CACNA2D1: variants seen among roughly 807,000 people sequenced by gnomAD.
CACNA2D1 encodes the protein voltage-dependent calcium channel subunit alpha-2/delta-1.
A neutral mutation model predicts 171.5 loss-of-function variants in CACNA2D1; 53 were observed. That is an observed-to-expected ratio of 0.31 (90% CI 0.25 to 0.39). The LOEUF (loss-of-function observed/expected upper bound fraction) is 0.39, where lower values mean the gene tolerates loss of function less well. CACNA2D1 is among the 10% of genes least tolerant of loss of function. The probability of loss-of-function intolerance (pLI) is 1.00; values close to 1 mark genes in which losing one functional copy is unlikely to be tolerated. For missense variants in CACNA2D1, 903 were observed against 1,299.8 expected, an observed-to-expected ratio of 0.69 and a Z score of 4.69; for synonymous variants, 442 against 443.1, an observed-to-expected ratio of 1.00 and a Z score of 0.03.
chr7:82,412,169 G>A (rs1266250758), intron 1 of CACNA2D1, among the ~76,000 whole-genome samples: 2 of 151,864 alleles, frequency 1.3e-5, no homozygotes, highest in Non-Finnish European at 2.9e-5. Context: ...ACAAAAAACA[G>A]GCCATATCTC....
rs547853316 is a variant in CACNA2D1 at position 81,984,874 on chromosome 7, A to G, written c.1797-163T>C. Among the ~76,000 whole-genome samples, 17 of 152,294 alleles carry G rather than the reference A, an allele frequency of 1.1e-4. 1 individual carries two copies. In the South Asian group the frequency reaches 3.5e-3, roughly 32 times the overall value. On this transcript the variant is annotated intron_variant, in intron 21 of 38. Transcript: ENST00000356860. The stretch of plus-strand genomic sequence containing the variant: ...AATGCATTCAGCAAATACAGTACTT[A>G]ATTTCAGTCTTGCCATCCAGAGTCA...
intron 4 of CACNA2D1, among the ~76,000 whole-genome samples, chr7:82,161,026 C>T (rs1794899205): frequency 6.6e-6 from 1 of 151,766 alleles, no homozygotes; most frequent in African/African-American, 2.4e-5. Flanking sequence ...AAATGAAGAC[C>T]CAAAGAAACA....
chr7:82,366,762 T>C (rs775238657), intron 1 of CACNA2D1, among the ~76,000 whole-genome samples: 5 of 152,144 alleles, frequency 3.3e-5, no homozygotes, highest in African/African-American at 4.8e-5. Context: ...CTGGGTTGAA[T>C]GGTAGTTCTG....
rs1473673956 is a variant in CACNA2D1, at chr7:82,150,279, C to CAA, written c.355-13605_355-13604dup. On this transcript the variant is annotated intron_variant, in intron 4 of 38. Transcript: ENST00000356860. ...AATTAAAAAAAAAAAACAAAAACAA[C>CAA]AACAAAAAAAAACACCCTAGTAGCT... Among the ~76,000 whole-genome samples the CAA allele has an allele frequency of 6.4e-5, 4 of 62,846 alleles. No homozygotes were observed. In the East Asian group the frequency reaches 1.4e-3, roughly 22 times the overall value. The allele number at this position is 62,846 out of a possible 152,430, so 41.2% of individuals were successfully genotyped here.
chr7:81,950,659 A>G, intron 38 of CACNA2D1, 151 bp from the exon 39 acceptor site: 1 of 1,165,476 alleles, frequency 8.6e-7, no homozygotes, highest in East Asian at 2.6e-5. Context: ...CAAAGAAATT[A>G]CTTTCTCCTA....
intron 1 of CACNA2D1, among the ~76,000 whole-genome samples, chr7:82,428,516 A>G (rs1364120430): frequency 6.6e-6 from 1 of 152,210 alleles, no homozygotes; most frequent in Non-Finnish European, 1.5e-5. Flanking sequence ...ATAAGAGAAA[A>G]CAGTAGTCTT....
At chr7:82,000,690 T>C (rs1005445270) in intron 18 of CACNA2D1, among the ~76,000 whole-genome samples, 7 of 149,328 alleles carry the variant, frequency 4.7e-5, no homozygotes, top group Admixed American at 3.3e-4. Context: ...CTCTGCCTAC[T>C]GGGTCCAAGC....
Position 82,174,933 on chromosome 7 carries a change from G to T in CACNA2D1, c.295-4324C>A, listed in dbSNP as rs1796409563. ...TATTCATTCTCAACCTTTACTTTTT[G>T]TCATATCTTCATCTTTTCCATTAGC... On this transcript the variant is annotated intron_variant, in intron 3 of 38. Coordinates refer to ENST00000356860, the MANE Select transcript of CACNA2D1 (RefSeq NM_000722.4). 2.6e-5 allele frequency among the ~76,000 whole-genome samples: 4 copies of T among 151,912 alleles called. No individual in the cohort carries two copies. The South Asian group carries it at 8.3e-4, about 31-fold the overall frequency.
intron 1 of CACNA2D1, among the ~76,000 whole-genome samples, chr7:82,371,814 G>C (rs949621064): frequency 2.3e-4 from 35 of 152,070 alleles, no homozygotes; most frequent in African/African-American, 8.2e-4. Context: ...GACCTCAGGT[G>C]ATCTGCCTGC....
At chr7:82,401,557 G>C (rs1245326897) in intron 1 of CACNA2D1, among the ~76,000 whole-genome samples, 1 of 141,566 alleles carries the variant, frequency 7.1e-6, no homozygotes, top group African/African-American at 2.6e-5. Flanking sequence ...AGACTGTTGT[G>C]GGGTGAGGGG....
intron 1 of CACNA2D1, among the ~76,000 whole-genome samples, chr7:82,387,479 T>C (rs1824538956): frequency 6.6e-6 from 1 of 152,222 alleles, no homozygotes; most frequent in Non-Finnish European, 1.5e-5. Context: ...GCTTTTGCAC[T>C]GCCAAATTTA....
intron 3 of CACNA2D1, among the ~76,000 whole-genome samples, chr7:82,285,198 G>A (rs1810605536): frequency 6.6e-6 from 1 of 152,060 alleles, no homozygotes; most frequent in South Asian, 2.1e-4. Context: ...ATGGCCATAA[G>A]CTTCCAGATG....
intron 3 of CACNA2D1, among the ~76,000 whole-genome samples, chr7:82,322,451 CAAAAAAAAAA>C (rs11440104): frequency 8.7e-5 from 9 of 103,926 alleles, no homozygotes; most frequent in Admixed American, 3.2e-4. Context: ...CCTGGCTTTA[CAAAAAAAAAA>C]AAAAAAAAAA....
intron 3 of CACNA2D1, among the ~76,000 whole-genome samples, chr7:82,281,574 C>T (rs1810106112): frequency 6.6e-6 from 1 of 152,126 alleles, no homozygotes; most frequent in South Asian, 2.1e-4. Flanking sequence ...AAATTCTGTC[C>T]TCTATAATAT....
chr7:82,073,854 G>C (rs573471054), intron 7 of CACNA2D1, among the ~76,000 whole-genome samples: 17 of 152,186 alleles, frequency 1.1e-4, no homozygotes, highest in Non-Finnish European at 2.1e-4. Context: ...GCCTGCCTCG[G>C]CCTCCCAAAA....
chr7:82,179,215 G>GA (rs1796867551), intron 3 of CACNA2D1, among the ~76,000 whole-genome samples: 1 of 151,860 alleles, frequency 6.6e-6, no homozygotes, highest in Non-Finnish European at 1.5e-5. Flanking sequence ...TAGAATTTTA[G>GA]ATTCTAAAAT....
intron 11 of CACNA2D1, among the ~76,000 whole-genome samples, chr7:82,037,688 TA>T (rs1466043579): frequency 6.6e-6 from 1 of 152,176 alleles, no homozygotes; most frequent in Non-Finnish European, 1.5e-5. Flanking sequence ...TGTTTAAAAC[TA>T]AAATGTTCTC....
chr7:82,252,797 G>A (rs552409257), intron 3 of CACNA2D1, among the ~76,000 whole-genome samples: 21 of 152,224 alleles, frequency 1.4e-4, no homozygotes, highest in African/African-American at 4.3e-4. Context: ...AGCTGAGGCA[G>A]GAGAATTGCT....
chr7:82,004,923 C>T (rs893315756), intron 18 of CACNA2D1, among the ~76,000 whole-genome samples: 2 of 152,098 alleles, frequency 1.3e-5, no homozygotes, highest in Admixed American at 1.3e-4. Context: ...ATTTCTGAAG[C>T]CCATCACATG....
Sources: allele counts gnomAD v4.1 joint callset (sites outside exome capture counted in the v4.1 genomes callset), GRCh38; gene constraint gnomAD v4.1.1; transcripts MANE v1.5; gene names NCBI Gene and HGNC (gene_info 2026-07-23, HGNC 2026-07-21).